Variants in CCDC85A observed in about 807,000 individuals in gnomAD.
CCDC85A encodes the protein coiled-coil domain-containing protein 85A.
A neutral mutation model predicts 50.2 loss-of-function variants in CCDC85A; 38 were observed. The ratio of observed to expected loss-of-function variants is 0.76; its 90% confidence interval spans 0.58 to 0.99. The LOEUF (loss-of-function observed/expected upper bound fraction) is 0.99, where lower values mean the gene tolerates loss of function less well. Among genes scored for constraint, CCDC85A ranks in the 50% least tolerant of loss-of-function variants. The pLI, the probability that CCDC85A is intolerant of heterozygous loss-of-function variation, is 0.00. For synonymous variants in CCDC85A, 366 were observed against 301.4 expected, an observed-to-expected ratio of 1.21 and a Z score of -2.22; for missense variants, 820 against 742.0, an observed-to-expected ratio of 1.11 and a Z score of -1.22.
At chr2:56,317,618 A>G (rs894411691) in intron 2 of CCDC85A, among the ~76,000 whole-genome samples, 1 of 152,116 alleles carries the variant, frequency 6.6e-6, no homozygotes, top group African/African-American at 2.4e-5. Flanking sequence ...GTTTTTCAGG[A>G]AGGACTGAAA....
intron 3 of CCDC85A, among the ~76,000 whole-genome samples, chr2:56,364,880 C>G (rs2104377031): frequency 6.6e-6 from 1 of 152,268 alleles, no homozygotes; most frequent in Non-Finnish European, 1.5e-5. Flanking sequence ...TTGTTGATCT[C>G]CTAATTGGAA....
chr2:56,233,468 G>A (rs990736540), intron 2 of CCDC85A, among the ~76,000 whole-genome samples: 2 of 152,124 alleles, frequency 1.3e-5, no homozygotes, highest in Non-Finnish European at 2.9e-5. Context: ...GGGCCCAAAG[G>A]TCTCCATTGT....
At chr2:56,223,652 T>G (rs1339977310) in intron 2 of CCDC85A, among the ~76,000 whole-genome samples, 1 of 152,188 alleles carries the variant, frequency 6.6e-6, no homozygotes, top group Non-Finnish European at 1.5e-5. Context: ...CAACCTGATA[T>G]GCTTAGCCTG....
At position 56,317,429 on chromosome 2, in the gene CCDC85A, G is replaced by T. The variant is rs191076002; in HGVS notation, c.1241-25450G>T. On this transcript the variant is annotated intron_variant, in intron 2 of 5. Transcript: ENST00000407595. ...ATCTTCTCTCCAAATGAAACATTAT[G>T]CCATTTTTCATAAATATTAATGTAT... is the stretch of plus-strand genomic sequence containing the variant. Among the ~76,000 whole-genome samples, 16 of 152,124 alleles carry T rather than the reference G, an allele frequency of 1.1e-4. No homozygotes were observed. The East Asian group carries it at 2.9e-3, about 28-fold the overall frequency.
intron 2 of CCDC85A, among the ~76,000 whole-genome samples, chr2:56,333,203 T>C (rs1017578825): frequency 6.6e-6 from 1 of 151,942 alleles, no homozygotes; most frequent in African/African-American, 2.4e-5. Context: ...GGAGTGTGGG[T>C]TGGAGGTGTG....
chr2:56,361,032 T>A (rs886431219), intron 3 of CCDC85A, among the ~76,000 whole-genome samples: 3 of 152,148 alleles, frequency 2.0e-5, no homozygotes, highest in African/African-American at 4.8e-5. Context: ...GGCGGGCAGA[T>A]CACAAGGTCA....
At chr2:56,354,702 T>C (rs1189673096) in intron 3 of CCDC85A, among the ~76,000 whole-genome samples, 3 of 152,200 alleles carry the variant, frequency 2.0e-5, no homozygotes, top group African/African-American at 4.8e-5. Flanking sequence ...AATTAAAGCA[T>C]GTTGGAGAAG....
chr2:56,234,817 G>A (rs1376736611), intron 2 of CCDC85A, among the ~76,000 whole-genome samples: 1 of 152,076 alleles, frequency 6.6e-6, no homozygotes, highest in Non-Finnish European at 1.5e-5. Flanking sequence ...CCTGTTTGCT[G>A]ATTTTAGGGA....
intron 2 of CCDC85A, among the ~76,000 whole-genome samples, chr2:56,198,701 T>G (rs1676622790): frequency 6.6e-6 from 1 of 152,204 alleles, no homozygotes; most frequent in South Asian, 2.1e-4. Context: ...AGTGTAAGGT[T>G]TTCAACTCCA....
At chr2:56,218,338 C>A (rs1009399995) in intron 2 of CCDC85A, among the ~76,000 whole-genome samples, 2 of 151,706 alleles carry the variant, frequency 1.3e-5, no homozygotes, top group African/African-American at 2.4e-5. Flanking sequence ...TAAAAAATAA[C>A]CTTTTAATTT....
chr2:56,335,863 G>A, intron 2 of CCDC85A, among the ~76,000 whole-genome samples: 1 of 151,968 alleles, frequency 6.6e-6, no homozygotes, highest in Non-Finnish European at 1.5e-5. Context: ...GCCTGCTAAA[G>A]TGCTGGGATT....
chr2:56,294,609 A>C (rs1671867410), intron 2 of CCDC85A, among the ~76,000 whole-genome samples: 1 of 152,180 alleles, frequency 6.6e-6, no homozygotes, highest in African/African-American at 2.4e-5. Flanking sequence ...CAGAGTTGAC[A>C]ATTTGATTCA....
intron 2 of CCDC85A, among the ~76,000 whole-genome samples, chr2:56,240,775 C>A (rs187814398): frequency 1.3e-5 from 2 of 152,142 alleles, no homozygotes; most frequent in Non-Finnish European, 2.9e-5. Context: ...ATATACCATT[C>A]ATCAATTGAT....
intron 2 of CCDC85A, among the ~76,000 whole-genome samples, chr2:56,341,176 C>G (rs1233509899): frequency 6.6e-6 from 1 of 152,136 alleles, no homozygotes; most frequent in Admixed American, 6.5e-5. Context: ...TTAGCCGTCT[C>G]GCATTTCCAG....
chr2:56,309,928 G>A (rs910250812), intron 2 of CCDC85A, among the ~76,000 whole-genome samples: 2 of 152,092 alleles, frequency 1.3e-5, no homozygotes, highest in Admixed American at 1.3e-4. Flanking sequence ...CACTTTGCCC[G>A]AGAGAGAAAA....
Position 56,269,391 on chromosome 2 carries a change from A to G in CCDC85A, c.1241-73488A>G, listed in dbSNP as rs367853293. Among the ~76,000 whole-genome samples, 26 of 151,518 alleles carry G rather than the reference A, an allele frequency of 1.7e-4. 1 individual carries two copies. The highest frequency in any genetic ancestry group is 6.3e-4 in the African/African-American group (26 of 41,446). On this transcript the variant is annotated intron_variant, in intron 2 of 5. Transcript: ENST00000407595. ...AAGGAGGAAAAGTTGGAGTGGAAGG[A>G]AGCAATCTTAATGGTTGTGGTAATA... is the stretch of plus-strand genomic sequence containing the variant.
At chr2:56,266,228 T>G (rs1364901021) in intron 2 of CCDC85A, among the ~76,000 whole-genome samples, 1 of 152,162 alleles carries the variant, frequency 6.6e-6, no homozygotes, top group Admixed American at 6.5e-5. Flanking sequence ...AGTGCTCTAT[T>G]ATATAGCATG....
chr2:56,379,100 G>C lies in CCDC85A; in HGVS notation c.1572+3165G>C, dbSNP rs554749223. 1.4e-4 allele frequency among the ~76,000 whole-genome samples: 21 copies of C among 152,198 alleles called. No individual in the cohort carries two copies. The South Asian group carries it at 4.4e-3, about 32-fold the overall frequency. ...ATAGGCCTCTAAAATTGTTTAAAAG[G>C]CATTTTATTCCAAGACATTTTGCTT... is the stretch of plus-strand genomic sequence containing the variant. On this transcript the variant is annotated intron_variant, in intron 5 of 5. Transcript: ENST00000407595.
chr2:56,302,504 AAT>A (rs901589511), intron 2 of CCDC85A, among the ~76,000 whole-genome samples: 1 of 152,200 alleles, frequency 6.6e-6, no homozygotes, highest in African/African-American at 2.4e-5. Context: ...CAAAGACAGA[AAT>A]GGGCATGATC....
Sources: allele counts gnomAD v4.1 joint callset (sites outside exome capture counted in the v4.1 genomes callset), GRCh38; gene constraint gnomAD v4.1.1; transcripts MANE v1.5; gene names NCBI Gene and HGNC (gene_info 2026-07-23, HGNC 2026-07-21).